Variants in KCNIP4 observed in about 807,000 individuals in gnomAD.
KCNIP4 encodes the protein potassium voltage-gated channel interacting protein 4.
Under a neutral mutation model 34.0 loss-of-function variants are expected in KCNIP4, and 12 were observed. The observed-to-expected ratio is 0.35, with a 90% CI of 0.23 to 0.57. The LOEUF is 0.57. Among genes scored for constraint, KCNIP4 ranks in the 20% least tolerant of loss-of-function variants. The pLI, the probability that KCNIP4 is intolerant of heterozygous loss-of-function variation, is 0.83. For missense variants in KCNIP4, 238 were observed against 311.7 expected (o/e 0.76, Z 1.78); for synonymous variants, 124 against 102.2 (o/e 1.21, Z -1.29).
intron 1 of KCNIP4, among the ~76,000 whole-genome samples, chr4:21,121,284 T>C (rs1022535191): frequency 2.6e-5 from 4 of 152,210 alleles, no homozygotes; most frequent in Non-Finnish European, 5.9e-5. Context: ...AGAAGGCATA[T>C]AGGAGCTTTT....
intron 1 of KCNIP4, among the ~76,000 whole-genome samples, chr4:21,712,398 T>TG (rs1413805055): frequency 2.0e-5 from 3 of 152,124 alleles, no homozygotes; most frequent in Admixed American, 6.6e-5. Flanking sequence ...TGAAACAGGA[T>TG]GGGGGGCGAG....
chr4:21,333,748 C>A (rs974575376), intron 1 of KCNIP4, among the ~76,000 whole-genome samples: 16 of 150,028 alleles, frequency 1.1e-4, no homozygotes, highest in Middle Eastern at 3.2e-3. Context: ...TGAAAACAAC[C>A]AAAAAAAAAT....
intron 1 of KCNIP4, among the ~76,000 whole-genome samples, chr4:21,616,197 T>G (rs899983736): frequency 2.0e-5 from 3 of 152,328 alleles, no homozygotes; most frequent in Admixed American, 2.0e-4. Context: ...TCCCATTCCC[T>G]GAAGTGTTCT....
chr4:21,248,532 T>C (rs935545268), intron 1 of KCNIP4, among the ~76,000 whole-genome samples: 1 of 152,102 alleles, frequency 6.6e-6, no homozygotes, highest in Non-Finnish European at 1.5e-5. Context: ...AAATGCTGCA[T>C]TTTTTTCAGC....
intron 1 of KCNIP4, among the ~76,000 whole-genome samples, chr4:20,996,388 T>G (rs955973412): frequency 6.6e-6 from 1 of 152,214 alleles, no homozygotes; most frequent in South Asian, 2.1e-4. Context: ...CTCGCTGTGT[T>G]TTGAGTCCTC....
At chr4:21,383,252 A>G (rs1395605042) in intron 1 of KCNIP4, among the ~76,000 whole-genome samples, 1 of 152,164 alleles carries the variant, frequency 6.6e-6, no homozygotes, top group Non-Finnish European at 1.5e-5. Context: ...TATGCCACAC[A>G]GTCTGTGATA....
chr4:21,572,924 G>C (rs1452980548), intron 1 of KCNIP4, among the ~76,000 whole-genome samples: 1 of 152,094 alleles, frequency 6.6e-6, no homozygotes, highest in Non-Finnish European at 1.5e-5. Context: ...ATTCCACCTG[G>C]TCTCATCCTT....
chr4:21,831,134 A>C lies in KCNIP4; in HGVS notation c.61+117437T>G, dbSNP rs146762730. 6.6e-3 allele frequency among the ~76,000 whole-genome samples: 1,008 copies of C among 152,262 alleles called. 15 individuals carry two copies. Among genetic ancestry groups the C allele is most frequent in the African/African-American group, 0.023 (938 of 41,568 alleles). On this transcript the variant is annotated intron_variant, in intron 1 of 8. Coordinates refer to ENST00000382152, the MANE Select transcript of KCNIP4 (RefSeq NM_025221.6). ...CAAAAAATGGAAACACAACATACAA[A>C]AACTTCTGGGATGCTGCAATAGCAG...
intron 1 of KCNIP4, among the ~76,000 whole-genome samples, chr4:21,017,693 T>C (rs554229724): frequency 6.6e-6 from 1 of 152,300 alleles, no homozygotes; most frequent in African/African-American, 2.4e-5. Context: ...TTATATTCCT[T>C]TGGGTATATA....
chr4:21,805,580 A>G (rs1216915478), intron 1 of KCNIP4, among the ~76,000 whole-genome samples: 1 of 152,112 alleles, frequency 6.6e-6, no homozygotes, highest in Non-Finnish European at 1.5e-5. Flanking sequence ...GCAGCATGAA[A>G]ATGGACTAAT....
intron 1 of KCNIP4, among the ~76,000 whole-genome samples, chr4:21,492,769 G>T (rs2109864780): frequency 6.6e-6 from 1 of 152,282 alleles, no homozygotes; most frequent in Admixed American, 6.5e-5. Flanking sequence ...TTTTAGGAAA[G>T]AGTCTCATTT....
chr4:21,777,323 C>A (rs1347871435), intron 1 of KCNIP4, among the ~76,000 whole-genome samples: 2 of 152,158 alleles, frequency 1.3e-5, no homozygotes, highest in Non-Finnish European at 2.9e-5. Flanking sequence ...TAACTTACCA[C>A]AAATTTATAT....
chr4:20,766,043 G>A (rs1755373921), intron 3 of KCNIP4, among the ~76,000 whole-genome samples: 1 of 152,076 alleles, frequency 6.6e-6, no homozygotes, highest in African/African-American at 2.4e-5. Flanking sequence ...TTAATGTGAT[G>A]ATGACAATGA....
intron 3 of KCNIP4, among the ~76,000 whole-genome samples, chr4:20,787,416 T>C (rs964220900): frequency 1.8e-4 from 28 of 152,304 alleles, no homozygotes; most frequent in African/African-American, 6.3e-4. Context: ...TCTGATGCTC[T>C]TTAAAGATTT....
chr4:21,480,099 A>C (rs1242882702), intron 1 of KCNIP4, among the ~76,000 whole-genome samples: 2 of 151,672 alleles, frequency 1.3e-5, no homozygotes, highest in African/African-American at 4.8e-5. Context: ...TAAGAAGTTT[A>C]GAAAACCTAC....
chr4:21,835,626 A>G (rs1723273553), intron 1 of KCNIP4, among the ~76,000 whole-genome samples: 1 of 152,014 alleles, frequency 6.6e-6, no homozygotes, highest in African/African-American at 2.4e-5. Flanking sequence ...TTAACTAACA[A>G]TCTTACTTGT....
intron 1 of KCNIP4, among the ~76,000 whole-genome samples, chr4:21,531,221 G>C (rs961256622): frequency 2.0e-5 from 3 of 152,028 alleles, no homozygotes; most frequent in Non-Finnish European, 4.4e-5. Context: ...GCCTCATCTA[G>C]AATTAGAGGG....
intron 1 of KCNIP4, among the ~76,000 whole-genome samples, chr4:21,045,668 G>C (rs920277849): frequency 6.6e-6 from 1 of 152,120 alleles, no homozygotes; most frequent in Admixed American, 6.5e-5. Context: ...TAGCACGGCT[G>C]ATACAAAGTC....
In KCNIP4 at chr4:21,715,337, G is replaced by A. The variant is rs185457926; in HGVS notation, c.61+233234C>T. On this transcript the variant is annotated intron_variant, in intron 1 of 8. Transcript: ENST00000382152. ...AGTAGACACGGGGTTTCACCGTGTTGGCCAGGATGGTCTTGCTCTCCTGAC... is the reference window on the plus strand; with the variant it reads ...AGTAGACACGGGGTTTCACCGTGTTAGCCAGGATGGTCTTGCTCTCCTGAC... Among the ~76,000 whole-genome samples, 951 of 152,012 alleles carry A rather than the reference G, an allele frequency of 6.3e-3. 8 individuals are homozygous for A. Among genetic ancestry groups the A allele is most frequent in the East Asian group, 0.02 (100 of 5,122 alleles).
Sources: allele counts gnomAD v4.1 joint callset (sites outside exome capture counted in the v4.1 genomes callset), GRCh38; gene constraint gnomAD v4.1.1; transcripts MANE v1.5; gene names NCBI Gene and HGNC (gene_info 2026-07-23, HGNC 2026-07-21).